TNFSF4: variants seen among roughly 807,000 people sequenced by gnomAD.
The protein encoded by TNFSF4 is tumor necrosis factor ligand superfamily member 4.
Under a neutral mutation model 7.3 loss-of-function variants are expected in TNFSF4, and 4 were observed. The observed-to-expected ratio is 0.55, with a 90% confidence interval of 0.27 to 1.25. The LOEUF (loss-of-function observed/expected upper bound fraction) is 1.25. Ranked by LOEUF, TNFSF4 falls within the 50% of genes most tolerant of loss-of-function variation. The pLI is 0.12. For missense variants in TNFSF4, 181 were observed against 208.8 expected (o/e 0.87, Z 0.82); for synonymous variants, 76 against 83.7 (o/e 0.91, Z 0.50).
At chr1:173,350,982 A>G in the TNFSF4 span, among the ~76,000 whole-genome samples, 13 of 152,228 alleles carry the variant, frequency 8.5e-5, no homozygotes, top group Admixed American at 8.5e-4. Context: ...GACTAGAAAG[A>G]AAATCCAGTT....
At chr1:173,230,173 G>C in the TNFSF4 span, among the ~76,000 whole-genome samples, 1 of 152,002 alleles carries the variant, frequency 6.6e-6, no homozygotes, top group Non-Finnish European at 1.5e-5. Flanking sequence ...AATTGACCAC[G>C]TAGTTGGAAG....
chr1:173,251,753 T>C, the TNFSF4 span, among the ~76,000 whole-genome samples: 1,504 of 152,294 alleles, frequency 9.9e-3, 18 homozygotes, highest in Middle Eastern at 0.041. Context: ...ACCTGGGAAA[T>C]TGTCAATAAG....
At chr1:173,403,765 G>C in the TNFSF4 span, among the ~76,000 whole-genome samples, 397 of 152,228 alleles carry the variant, frequency 2.6e-3, no homozygotes, top group African/African-American at 8.0e-3. Flanking sequence ...AGCTGGGTGT[G>C]GTGGCGGGTG....
the TNFSF4 span, among the ~76,000 whole-genome samples, chr1:173,235,427 G>A: frequency 1.8e-4 from 27 of 152,318 alleles, no homozygotes; most frequent in African/African-American, 6.5e-4. Flanking sequence ...TTCCAGGTGG[G>A]TCCACCCCAT....
the TNFSF4 span, among the ~76,000 whole-genome samples, chr1:173,326,084 T>C: frequency 4.3e-4 from 65 of 152,266 alleles, no homozygotes; most frequent in African/African-American, 1.4e-3. Context: ...TTTAGACCAA[T>C]ATCCTTGATG....
chr1:173,217,784 T>A, the TNFSF4 span, among the ~76,000 whole-genome samples: 3 of 152,222 alleles, frequency 2.0e-5, no homozygotes, highest in African/African-American at 7.2e-5. Flanking sequence ...AGACAAGGTC[T>A]CACTCTGTTG....
the TNFSF4 span, among the ~76,000 whole-genome samples, chr1:173,305,022 A>G: frequency 6.6e-6 from 1 of 151,962 alleles, no homozygotes; most frequent in African/African-American, 2.4e-5. Flanking sequence ...CTGAGGAACC[A>G]TAGGACATAA....
chr1:173,378,216 C>T, the TNFSF4 span, among the ~76,000 whole-genome samples: 8 of 152,018 alleles, frequency 5.3e-5, no homozygotes, highest in African/African-American at 1.4e-4. Context: ...GGGACCGTTG[C>T]GGGTTCTTCG....
intron 1 of TNFSF4, among the ~76,000 whole-genome samples, chr1:173,193,367 C>T (rs1649564326): frequency 6.6e-6 from 1 of 152,080 alleles, no homozygotes; most frequent in Non-Finnish European, 1.5e-5. Flanking sequence ...TGCAAATGCT[C>T]CTAAGTATCC....
chr1:173,421,517 T>C, the TNFSF4 span, among the ~76,000 whole-genome samples: 1 of 152,116 alleles, frequency 6.6e-6, no homozygotes, highest in Non-Finnish European at 1.5e-5. Flanking sequence ...CAGCTGCTGG[T>C]AAAATAATCT....
the TNFSF4 span, among the ~76,000 whole-genome samples, chr1:173,389,050 A>AT: frequency 1.4e-3 from 219 of 152,356 alleles, 2 homozygotes; most frequent in African/African-American, 4.8e-3. Context: ...AATTATGTGC[A>AT]TTACATATTT....
the TNFSF4 span, among the ~76,000 whole-genome samples, chr1:173,390,750 C>CTTT: frequency 0.048 from 6,129 of 127,544 alleles, 480 homozygotes; most frequent in African/African-American, 0.16. Flanking sequence ...TTTTTTTTTT[C>CTTT]TTTTTTTTTT....
the TNFSF4 span, among the ~76,000 whole-genome samples, chr1:173,294,511 G>A: frequency 5.9e-5 from 9 of 151,936 alleles, no homozygotes; most frequent in Non-Finnish European, 1.2e-4. Flanking sequence ...CACTACCTGA[G>A]TGATGGGATC....
At chr1:173,398,486 G>A in the TNFSF4 span, among the ~76,000 whole-genome samples, 960 of 146,086 alleles carry the variant, frequency 6.6e-3, 7 homozygotes, top group African/African-American at 0.023. Context: ...GTACAGTGGC[G>A]TGATCTCGGC....
chr1:173,313,831 T>C, the TNFSF4 span, among the ~76,000 whole-genome samples: 1 of 152,108 alleles, frequency 6.6e-6, no homozygotes, highest in East Asian at 1.9e-4. Context: ...TTAGGTATAC[T>C]TATTGTATGT....
the TNFSF4 span, among the ~76,000 whole-genome samples, chr1:173,386,041 G>A: frequency 6.6e-6 from 1 of 152,130 alleles, no homozygotes; most frequent in African/African-American, 2.4e-5. Flanking sequence ...AGGGAAAAAG[G>A]ACCCCAAGGG....
chr1:173,387,212 G>T, the TNFSF4 span, among the ~76,000 whole-genome samples: 8 of 152,208 alleles, frequency 5.3e-5, no homozygotes, highest in African/African-American at 1.4e-4. Context: ...GCATGTTTGT[G>T]TTCCCTTCAA....
At chr1:173,382,106 C>A in the TNFSF4 span, among the ~76,000 whole-genome samples, 1 of 152,198 alleles carries the variant, frequency 6.6e-6, no homozygotes, top group South Asian at 2.1e-4. Context: ...TGCTGCTGCT[C>A]ACTCTTTGGG....
chr1:173,410,536 T>G, the TNFSF4 span, among the ~76,000 whole-genome samples: 1 of 152,224 alleles, frequency 6.6e-6, no homozygotes, highest in Non-Finnish European at 1.5e-5. Context: ...AGATTCTATT[T>G]TGGTACCACC....
Sources: allele counts gnomAD v4.1 joint callset (sites outside exome capture counted in the v4.1 genomes callset), GRCh38; gene constraint gnomAD v4.1.1; transcripts MANE v1.5; gene names NCBI Gene and HGNC (gene_info 2026-07-23, HGNC 2026-07-21).